YPEL5: variants seen among roughly 807,000 people sequenced by gnomAD.
The protein encoded by YPEL5 is protein yippee-like 5.
Under a neutral mutation model 10.5 loss-of-function variants are expected in YPEL5, and 1 was observed. The observed-to-expected ratio is 0.10, with a 90% CI of 0.03 to 0.45. YPEL5 has a LOEUF of 0.45. Ranked by LOEUF, YPEL5 falls within the 20% of genes least tolerant of loss-of-function variation. The pLI, the probability that YPEL5 is intolerant of heterozygous loss-of-function variation, is 0.97. For synonymous variants in YPEL5, 61 were observed against 56.6 expected (o/e 1.08, Z -0.35); for missense variants, 68 against 159.3 (o/e 0.43, Z 3.09).
chr2:30,153,324 A>G lies in YPEL5; in HGVS notation c.-24-3304A>G, dbSNP rs532140431. ...CCAGTTCTAGAGGCCAGGAAGTCCAACATAAGATTCAATGTCTGTTGATGG... is the reference window on the plus strand; with the variant it reads ...CCAGTTCTAGAGGCCAGGAAGTCCAGCATAAGATTCAATGTCTGTTGATGG... On this transcript the variant is annotated intron_variant, in intron 1 of 2. Transcript: ENST00000261353. 1.1e-3 allele frequency among the ~76,000 whole-genome samples: 168 copies of G among 152,358 alleles called. 2 individuals are homozygous for G. Among genetic ancestry groups the G allele is most frequent in the Admixed American group, 0.011 (165 of 15,306 alleles).
Position 30,160,217 on chromosome 2 carries a change from A to T in YPEL5, c.*1374A>T, listed in dbSNP as rs1457583967. On this transcript the variant is annotated 3_prime_UTR_variant, in exon 3 of 3. Coordinates refer to ENST00000261353, the MANE Select transcript of YPEL5 (RefSeq NM_016061.3). ...TCTAGGTCCTTTGTCTAGAAAGGAA[A>T]TTTGCCTCAGTTGAATTAGTGAAAT... is the stretch of plus-strand genomic sequence containing the variant. The T allele has an allele frequency of 6.6e-6, 1 of 152,470 alleles. No homozygotes were observed. The highest frequency in any genetic ancestry group is 1.5e-5 in the Non-Finnish European group (1 of 68,048). The allele number at this position is 152,470 out of a possible 1,614,324, so 9.4% of individuals were successfully genotyped here.
chr2:30,153,261 A>G (rs1368385465), intron 1 of YPEL5, among the ~76,000 whole-genome samples: 2 of 152,182 alleles, frequency 1.3e-5, no homozygotes, highest in African/African-American at 2.4e-5. Context: ...ACAGGGTACT[A>G]TAGACTGTAT....
At chr2:30,158,061 C>T (rs1676119539) in intron 2 of YPEL5, among the ~76,000 whole-genome samples, 1 of 152,198 alleles carries the variant, frequency 6.6e-6, no homozygotes, top group South Asian at 2.1e-4. Flanking sequence ...AAATTCATTA[C>T]ACATTGTCTC....
At position 30,158,927 on chromosome 2, in the gene YPEL5, A is replaced by G. The variant is rs142565296; in HGVS notation, c.*84A>G. On this transcript the variant is annotated 3_prime_UTR_variant, in exon 3 of 3. Coordinates refer to ENST00000261353, the MANE Select transcript of YPEL5 (RefSeq NM_016061.3). ...TTACATACACTGTCACCTTAGCATC[A>G]GAGTCGGATTAATGAACTGCGGAAC... is the stretch of plus-strand genomic sequence containing the variant. The G allele has an allele frequency of 1.7e-4, 214 of 1,289,908 alleles. 1 individual carries two copies. In the Admixed American group the frequency reaches 4.2e-3, roughly 25 times the overall value. 79.9% of individuals were successfully genotyped at this position (1,289,908 alleles called of 1,614,324 possible).
chr2:30,153,699 T>C lies in YPEL5; in HGVS notation c.-24-2929T>C, dbSNP rs566858684. ...CTTGCTTCTGCTAGATCCTGTGGCA[T>C]TCTAACTTATCTTTCTTAGCAAACA... On this transcript the variant is annotated intron_variant, in intron 1 of 2. Coordinates refer to ENST00000261353, the MANE Select transcript of YPEL5 (RefSeq NM_016061.3). Among the ~76,000 whole-genome samples, 12 of 152,364 alleles carry C rather than the reference T, an allele frequency of 7.9e-5. No homozygotes were observed. The East Asian group carries it at 2.3e-3, about 29-fold the overall frequency.
At position 30,150,502 on chromosome 2, in the gene YPEL5, T is replaced by TG. The variant is rs957380229; in HGVS notation, c.-25+3440_-25+3441insG. 2.5e-3 allele frequency among the ~76,000 whole-genome samples: 381 copies of TG among 152,288 alleles called. 4 individuals are homozygous for TG. The highest frequency in any genetic ancestry group is 8.6e-3 in the African/African-American group (357 of 41,562). ...AATTCAAGTATCTGAGCTCCACAGT[T>TG]TAAGTCCTGGGGGTGGAGAGAGGAG... On this transcript the variant is annotated intron_variant, in intron 1 of 2. Coordinates refer to ENST00000261353, the MANE Select transcript of YPEL5 (RefSeq NM_016061.3).
chr2:30,158,904 A>G lies in YPEL5; in HGVS notation c.*61A>G. ...CTTCACTGAAAACAAAAATCTACTT[A>G]CATACACTGTCACCTTAGCATCAGA... On this transcript the variant is annotated 3_prime_UTR_variant, in exon 3 of 3. Transcript: ENST00000261353. The G allele has an allele frequency of 6.7e-7, 1 of 1,502,712 alleles. No individual in the cohort carries two copies. The highest frequency in any genetic ancestry group is 1.2e-5 in the South Asian group (1 of 86,784). 93.1% of individuals were successfully genotyped at this position (1,502,712 alleles called of 1,614,324 possible). A position where few individuals can be genotyped will look rare whatever the true frequency, so the allele number is the denominator to read the frequency against.
At chr2:30,151,397 A>G (rs1675785666) in intron 1 of YPEL5, among the ~76,000 whole-genome samples, 2 of 152,186 alleles carry the variant, frequency 1.3e-5, no homozygotes, top group African/African-American at 4.8e-5. Context: ...TAAAAGAGAA[A>G]TTGGAAGTTG....
chr2:30,151,022 T>C (rs532605740), intron 1 of YPEL5, among the ~76,000 whole-genome samples: 5 of 152,284 alleles, frequency 3.3e-5, no homozygotes, highest in African/African-American at 1.2e-4. Context: ...ATTCTCAGCT[T>C]GTGGGCAGTA....
At chr2:30,156,413 C>T (rs1300320021) in intron 1 of YPEL5, 2 of 449,758 alleles carry the variant, frequency 4.4e-6, no homozygotes, top group African/African-American at 3.9e-5. Flanking sequence ...CCTTGGCTCA[C>T]TGCTTTAAAA....
intron 1 of YPEL5, among the ~76,000 whole-genome samples, chr2:30,152,355 G>A (rs893761627): frequency 1.3e-5 from 2 of 152,180 alleles, no homozygotes; most frequent in South Asian, 2.1e-4. Flanking sequence ...AGTCACACTC[G>A]CTGACCCTGA....
intron 1 of YPEL5, among the ~76,000 whole-genome samples, chr2:30,152,135 C>T (rs1264913806): frequency 6.6e-6 from 1 of 151,876 alleles, no homozygotes; most frequent in African/African-American, 2.4e-5. Context: ...TAAACTTTGT[C>T]ATGTAGAGTA....
chr2:30,151,744 CACTG>C (rs1158312940), intron 1 of YPEL5, among the ~76,000 whole-genome samples: 1 of 152,166 alleles, frequency 6.6e-6, no homozygotes, highest in Non-Finnish European at 1.5e-5. Flanking sequence ...TGAACTTCAG[CACTG>C]ACATGTACCA....
intron 1 of YPEL5, among the ~76,000 whole-genome samples, chr2:30,151,319 A>T (rs902821277): frequency 3.4e-4 from 51 of 148,918 alleles, no homozygotes; most frequent in Middle Eastern, 3.5e-3. Context: ...TTCTGTAATT[A>T]AAAAAAAAAA....
intron 1 of YPEL5, among the ~76,000 whole-genome samples, 174 bp downstream of exon 1, chr2:30,147,236 A>G (rs1158498151): frequency 6.6e-6 from 1 of 151,784 alleles, no homozygotes; most frequent in Non-Finnish European, 1.5e-5. Context: ...CAGATCCTTC[A>G]GGGTGGGCCC....
In YPEL5 at chr2:30,159,639, TC is replaced by T. The variant is rs756969357; in HGVS notation, c.*797del. Reference sequence around the variant, plus strand: ...ATTTTCATAGTAGTAAAGTTTTTTTTCATCTCTTAAACTAAATTGACCATGC... The same window carrying T: ...ATTTTCATAGTAGTAAAGTTTTTTTTATCTCTTAAACTAAATTGACCATGC... On this transcript the variant is annotated 3_prime_UTR_variant, in exon 3 of 3. Coordinates refer to ENST00000261353, the MANE Select transcript of YPEL5 (RefSeq NM_016061.3). 5.2e-5 allele frequency: 8 copies of T among 152,520 alleles called. No individual in the cohort carries two copies. The South Asian group carries it at 1.4e-3, about 28-fold the overall frequency. The allele number at this position is 152,520 out of a possible 1,614,324, so 9.4% of individuals were successfully genotyped here. A position where few individuals can be genotyped will look rare whatever the true frequency, so the allele number is the denominator to read the frequency against.
intron 1 of YPEL5, among the ~76,000 whole-genome samples, chr2:30,153,149 C>T (rs560740019): frequency 6.6e-6 from 1 of 152,160 alleles, no homozygotes; most frequent in Non-Finnish European, 1.5e-5. Context: ...GATCCGCCCA[C>T]CTTGGCCTCC....
intron 1 of YPEL5, 124 bp from the exon 2 acceptor site, chr2:30,156,504 C>G: frequency 1.1e-6 from 1 of 874,852 alleles, no homozygotes; most frequent in South Asian, 1.7e-5. Flanking sequence ...CTATTTCACA[C>G]ATCGAGTACT....
At chr2:30,154,613 G>C (rs995044742) in intron 1 of YPEL5, among the ~76,000 whole-genome samples, 14 of 152,164 alleles carry the variant, frequency 9.2e-5, no homozygotes, top group African/African-American at 3.1e-4. Flanking sequence ...AAACAGACAT[G>C]TCCACATATG....
Sources: gnomAD v4.1 joint callset for allele counts (sites outside exome capture counted in the v4.1 genomes callset) on GRCh38, gnomAD v4.1.1 for gene constraint, MANE v1.5 for transcripts, NCBI Gene and HGNC (gene_info 2026-07-23, HGNC 2026-07-21) for gene names.